Variants in STX8 observed in about 807,000 individuals in gnomAD.
STX8 encodes syntaxin 8, also known as syntaxin-8.
Under a neutral mutation model 37.5 loss-of-function variants are expected in STX8, and 23 were observed. The observed-to-expected ratio is 0.61, with a 90% CI of 0.44 to 0.87. STX8 has a LOEUF of 0.87. Ranked by LOEUF, STX8 falls within the 40% of genes least tolerant of loss-of-function variation. The probability of loss-of-function intolerance (pLI) is 0.00; values close to 1 mark genes in which losing one functional copy is unlikely to be tolerated. For missense variants in STX8, 313 were observed against 284.7 expected (o/e 1.10, Z -0.71); for synonymous variants, 115 against 99.1 (o/e 1.16, Z -0.95).
chr17:9,369,906 A>T (rs1277090203), intron 7 of STX8, among the ~76,000 whole-genome samples: 1 of 149,014 alleles, frequency 6.7e-6, no homozygotes, highest in African/African-American at 2.5e-5. Context: ...AAAAAAAAAA[A>T]AAAAGAAAGA....
chr17:9,413,459 T>C (rs1444453070), intron 6 of STX8, among the ~76,000 whole-genome samples: 1 of 152,162 alleles, frequency 6.6e-6, no homozygotes, highest in Non-Finnish European at 1.5e-5. Flanking sequence ...AGGAGACCTG[T>C]TTCTCAAGAC....
chr17:9,508,211 A>G (rs141288887), intron 4 of STX8, among the ~76,000 whole-genome samples: 1,847 of 152,342 alleles, frequency 0.012, 38 homozygotes, highest in African/African-American at 0.041. Context: ...AAATTCAACA[A>G]GAAGATAAAT....
chr17:9,548,316 G>T (rs1906630471), intron 3 of STX8: 1 of 151,846 alleles, frequency 6.6e-6, no homozygotes, highest in Admixed American at 6.6e-5. Context: ...TGTTGTCCAG[G>T]CTGGTCTCGA....
intron 7 of STX8, among the ~76,000 whole-genome samples, chr17:9,338,755 T>C (rs1055586686): frequency 1.3e-5 from 2 of 152,190 alleles, no homozygotes; most frequent in Non-Finnish European, 2.9e-5. Context: ...TCTCTGTGTG[T>C]GGGGCCCAGA....
chr17:9,490,566 T>C (rs375019217), intron 6 of STX8, among the ~76,000 whole-genome samples: 127 of 152,018 alleles, frequency 8.4e-4, no homozygotes, highest in African/African-American at 2.9e-3. Flanking sequence ...AGAGATGAGG[T>C]CTCATCATGT....
At chr17:9,411,976 A>G (rs1433431719) in intron 6 of STX8, among the ~76,000 whole-genome samples, 1 of 152,218 alleles carries the variant, frequency 6.6e-6, no homozygotes, top group Non-Finnish European at 1.5e-5. Context: ...TGGTATAGAC[A>G]AGCTATAAAA....
chr17:9,468,299 G>T (rs1012200770), intron 6 of STX8, among the ~76,000 whole-genome samples: 1 of 151,932 alleles, frequency 6.6e-6, no homozygotes, highest in African/African-American at 2.4e-5. Context: ...TAGTAAACAC[G>T]GGGTTTCACC....
chr17:9,536,092 G>A (rs1018150679), intron 4 of STX8, among the ~76,000 whole-genome samples: 1 of 152,218 alleles, frequency 6.6e-6, no homozygotes, highest in Non-Finnish European at 1.5e-5. Flanking sequence ...ATTATTGAGA[G>A]TAATTACTTA....
intron 6 of STX8, among the ~76,000 whole-genome samples, chr17:9,482,846 G>A (rs538485382): frequency 2.6e-5 from 4 of 152,248 alleles, no homozygotes; most frequent in Admixed American, 6.5e-5. Flanking sequence ...CCCGGGAGGC[G>A]GAGGTTATGG....
intron 3 of STX8, among the ~76,000 whole-genome samples, chr17:9,546,591 G>GTTTTTTTTTTTTTTTT (rs386385626): frequency 3.4e-4 from 18 of 52,216 alleles, no homozygotes; most frequent in African/African-American, 1.2e-3. Flanking sequence ...TACAAAAGTG[G>GTTTTTTTTTTTTTTTT]TTTTTTTTTT....
chr17:9,539,483 C>G (rs1906191468), intron 4 of STX8, among the ~76,000 whole-genome samples: 1 of 152,186 alleles, frequency 6.6e-6, no homozygotes, highest in Non-Finnish European at 1.5e-5. Context: ...AACCCCAGTT[C>G]TCTAACAGTA....
At chr17:9,324,089 C>T (rs1409418653) in intron 7 of STX8, among the ~76,000 whole-genome samples, 1 of 140,690 alleles carries the variant, frequency 7.1e-6, no homozygotes, top group Non-Finnish European at 1.5e-5. Flanking sequence ...GGGCATCCCT[C>T]TCTCTCTCTC....
chr17:9,427,830 C>G (rs1034732150), intron 6 of STX8, among the ~76,000 whole-genome samples: 1 of 152,124 alleles, frequency 6.6e-6, no homozygotes, highest in African/African-American at 2.4e-5. Flanking sequence ...TTTTAATTTT[C>G]TTAAAATAGA....
At chr17:9,332,834 T>C (rs1156296147) in intron 7 of STX8, among the ~76,000 whole-genome samples, 1 of 152,220 alleles carries the variant, frequency 6.6e-6, no homozygotes, top group African/African-American at 2.4e-5. Flanking sequence ...ACCACCATTG[T>C]ATCCTACCTC....
At chr17:9,286,858 C>T (rs1024554230) in intron 7 of STX8, among the ~76,000 whole-genome samples, 3 of 152,132 alleles carry the variant, frequency 2.0e-5, no homozygotes, top group East Asian at 1.9e-4. Flanking sequence ...CAGAGGTGTA[C>T]CTGGGTTCGA....
intron 4 of STX8, among the ~76,000 whole-genome samples, chr17:9,519,597 CAG>C (rs1012814602): frequency 6.6e-6 from 1 of 152,134 alleles, no homozygotes; most frequent in Non-Finnish European, 1.5e-5. Flanking sequence ...GTTCTTAAAA[CAG>C]AGATCTCACC....
chr17:9,483,152 G>A (rs1199305644), intron 6 of STX8, among the ~76,000 whole-genome samples: 1 of 152,068 alleles, frequency 6.6e-6, no homozygotes, highest in Non-Finnish European at 1.5e-5. Flanking sequence ...TCAGAAGTCT[G>A]AAACCAGTTT....
chr17:9,471,121 G>A (rs566755177), intron 6 of STX8, among the ~76,000 whole-genome samples: 1 of 116,998 alleles, frequency 8.5e-6, no homozygotes, highest in Non-Finnish European at 1.7e-5. Context: ...TGCAACCTCC[G>A]CCTCCCGGGG....
At chr17:9,399,865 CA>C (rs201703835) in intron 6 of STX8, among the ~76,000 whole-genome samples, 40,792 of 98,134 alleles carry the variant, frequency 0.42, 6,083 homozygotes, top group African/African-American at 0.52. Flanking sequence ...GACTCTGTCT[CA>C]AAAAAAAAAA....
Sources: allele counts gnomAD v4.1 joint callset (sites outside exome capture counted in the v4.1 genomes callset), GRCh38; gene constraint gnomAD v4.1.1; transcripts MANE v1.5; gene names NCBI Gene and HGNC (gene_info 2026-07-23, HGNC 2026-07-21).